CACNA2D3: variants seen among roughly 807,000 people sequenced by gnomAD.
CACNA2D3 encodes the protein calcium voltage-gated channel auxiliary subunit alpha2delta 3, also known as voltage-dependent calcium channel subunit alpha-2/delta-3.
CACNA2D3 carries 60 observed loss-of-function variants against 160.6 expected under a neutral mutation model. The ratio of observed to expected loss-of-function variants is 0.37; its 90% CI spans 0.30 to 0.46. The LOEUF is 0.46. Among genes scored for constraint, CACNA2D3 ranks in the 20% least tolerant of loss-of-function variants. CACNA2D3 has a pLI of 1.00. For missense variants in CACNA2D3, 1,205 were observed against 1,365.0 expected (o/e 0.88, Z 1.85); for synonymous variants, 558 against 492.9 (o/e 1.13, Z -1.75).
At chr3:54,404,607 A>G (rs564908760) in intron 4 of CACNA2D3, among the ~76,000 whole-genome samples, 2 of 152,272 alleles carry the variant, frequency 1.3e-5, no homozygotes, top group African/African-American at 4.8e-5. Context: ...ACTACTATTC[A>G]ACATAGTACT....
At chr3:55,012,817 G>C (rs1274326796) in intron 34 of CACNA2D3, among the ~76,000 whole-genome samples, 1 of 152,116 alleles carries the variant, frequency 6.6e-6, no homozygotes, top group Non-Finnish European at 1.5e-5. Context: ...ACCAAGGGGT[G>C]CAGAGTAGGG....
chr3:54,620,074 G>A (rs1296809586), intron 9 of CACNA2D3, among the ~76,000 whole-genome samples: 1 of 152,158 alleles, frequency 6.6e-6, no homozygotes, highest in African/African-American at 2.4e-5. Flanking sequence ...CTGCACTTTG[G>A]GTTTGGAGCA....
intron 35 of CACNA2D3, among the ~76,000 whole-genome samples, chr3:55,072,221 T>C (rs1232169311): frequency 6.6e-6 from 1 of 152,184 alleles, no homozygotes; most frequent in Non-Finnish European, 1.5e-5. Flanking sequence ...GGAAACATCT[T>C]TGCACAGTGG....
intron 27 of CACNA2D3, among the ~76,000 whole-genome samples, chr3:54,922,073 C>T (rs1700868485): frequency 6.6e-6 from 1 of 152,150 alleles, no homozygotes; most frequent in Non-Finnish European, 1.5e-5. Context: ...TTCTGCCTTC[C>T]TCCGAAGAAA....
intron 13 of CACNA2D3, among the ~76,000 whole-genome samples, chr3:54,810,803 C>T (rs1703287297): frequency 6.6e-6 from 1 of 152,130 alleles, no homozygotes; most frequent in African/African-American, 2.4e-5. Flanking sequence ...CTTCAATCAC[C>T]CCCATGGGTC....
intron 11 of CACNA2D3, among the ~76,000 whole-genome samples, chr3:54,670,488 G>A (rs1489466382): frequency 6.6e-6 from 1 of 152,092 alleles, no homozygotes; most frequent in Non-Finnish European, 1.5e-5. Flanking sequence ...GAGCAAAACC[G>A]CCCCATCTGG....
intron 11 of CACNA2D3, among the ~76,000 whole-genome samples, chr3:54,675,376 G>A (rs1700221196): frequency 1.3e-5 from 2 of 152,168 alleles, no homozygotes; most frequent in African/African-American, 4.8e-5. Flanking sequence ...GGACAACAAA[G>A]GAACGGCTGG....
intron 14 of CACNA2D3, among the ~76,000 whole-genome samples, chr3:54,826,199 T>C (rs529421840): frequency 2.0e-5 from 3 of 152,094 alleles, no homozygotes; most frequent in African/African-American, 7.2e-5. Flanking sequence ...ACTGGTCACA[T>C]CCCCAATTAA....
At chr3:54,641,012 TC>T (rs1342326519) in intron 10 of CACNA2D3, among the ~76,000 whole-genome samples, 1 of 145,874 alleles carries the variant, frequency 6.9e-6, no homozygotes. Flanking sequence ...TTTTTTGAAA[TC>T]CCCCTGTGAT....
At chr3:54,898,950 A>G (rs1254777450) in intron 26 of CACNA2D3, among the ~76,000 whole-genome samples, 2 of 152,224 alleles carry the variant, frequency 1.3e-5, no homozygotes, top group Admixed American at 6.5e-5. Context: ...TGTACAAACT[A>G]GAAAAGAAAC....
intron 13 of CACNA2D3, among the ~76,000 whole-genome samples, chr3:54,789,534 T>G (rs1416732667): frequency 6.6e-6 from 1 of 152,046 alleles, no homozygotes; most frequent in Non-Finnish European, 1.5e-5. Flanking sequence ...CAGATCTGTG[T>G]GCACTACCAT....
At chr3:54,904,199 G>A (rs560490614) in intron 27 of CACNA2D3, among the ~76,000 whole-genome samples, 11 of 152,174 alleles carry the variant, frequency 7.2e-5, no homozygotes, top group African/African-American at 2.7e-4. Flanking sequence ...ACTTATTGTT[G>A]ACTTGAGTTT....
At chr3:54,745,608 C>G (rs906907879) in intron 11 of CACNA2D3, among the ~76,000 whole-genome samples, 1 of 152,188 alleles carries the variant, frequency 6.6e-6, no homozygotes, top group Non-Finnish European at 1.5e-5. Context: ...TTGCATCACA[C>G]ACCTTTAAGG....
chr3:55,012,111 C>G (rs1158590332), intron 34 of CACNA2D3, among the ~76,000 whole-genome samples: 1 of 152,142 alleles, frequency 6.6e-6, no homozygotes, highest in East Asian at 1.9e-4. Context: ...CCTGGGTAGC[C>G]TTTCTCTGCT....
intron 5 of CACNA2D3, among the ~76,000 whole-genome samples, chr3:54,523,909 TAA>T (rs1489687596): frequency 6.6e-6 from 1 of 152,060 alleles, no homozygotes; most frequent in Non-Finnish European, 1.5e-5. Flanking sequence ...TTAATCTAGC[TAA>T]AGTTTTGTCA....
At chr3:54,294,224 A>G (rs1176885564) in intron 2 of CACNA2D3, among the ~76,000 whole-genome samples, 3 of 152,204 alleles carry the variant, frequency 2.0e-5, no homozygotes, top group Admixed American at 6.5e-5. Flanking sequence ...CTGTGTTGTC[A>G]TTTTAGATAC....
intron 2 of CACNA2D3, among the ~76,000 whole-genome samples, chr3:54,305,161 A>G (rs1401337957): frequency 6.6e-6 from 1 of 152,222 alleles, no homozygotes; most frequent in African/African-American, 2.4e-5. Flanking sequence ...ACATTATGAG[A>G]CAAGACAGTT....
chr3:54,607,373 G>A (rs756026770), intron 9 of CACNA2D3, among the ~76,000 whole-genome samples: 6 of 152,116 alleles, frequency 3.9e-5, no homozygotes, highest in South Asian at 2.1e-4. Context: ...CCAGGCTAGA[G>A]TGCAGTGGTG....
intron 4 of CACNA2D3, among the ~76,000 whole-genome samples, chr3:54,481,464 G>T (rs937590279): frequency 2.6e-5 from 4 of 152,184 alleles, no homozygotes; most frequent in Non-Finnish European, 2.9e-5. Context: ...GCTTCTCAGT[G>T]ACCTGGCTTC....
Sources: allele counts gnomAD v4.1 joint callset (sites outside exome capture counted in the v4.1 genomes callset), GRCh38; gene constraint gnomAD v4.1.1; transcripts MANE v1.5; gene names NCBI Gene and HGNC (gene_info 2026-07-23, HGNC 2026-07-21).